The following MOK variants were observed in gnomAD, a reference collection of about 807,000 sequenced individuals.
MOK encodes the protein MOK protein kinase.
Under a neutral mutation model 54.2 loss-of-function variants are expected in MOK, and 59 were observed. The ratio of observed to expected loss-of-function variants is 1.09; its 90% CI spans 0.88 to 1.35. The LOEUF (loss-of-function observed/expected upper bound fraction) is 1.35, where lower values mean the gene tolerates loss of function less well. MOK is among the 40% of genes most tolerant of loss of function. The probability of loss-of-function intolerance (pLI) is 0.00; values close to 1 mark genes in which losing one functional copy is unlikely to be tolerated. For missense variants in MOK, 517 were observed against 526.2 expected, an observed-to-expected ratio of 0.98 and a Z score of 0.17; for synonymous variants, 210 against 202.7, an observed-to-expected ratio of 1.04 and a Z score of -0.31.
At chr14:102,300,822 C>G (rs550838206) in intron 1 of MOK, among the ~76,000 whole-genome samples, 26 of 152,136 alleles carry the variant, frequency 1.7e-4, no homozygotes, top group Non-Finnish European at 3.4e-4. Context: ...GTGGGCTGGG[C>G]ACACTGGCTC....
intron 2 of MOK, among the ~76,000 whole-genome samples, chr14:102,274,064 T>C (rs968828569): frequency 6.6e-6 from 1 of 151,350 alleles, no homozygotes; most frequent in Admixed American, 6.6e-5. Context: ...TTCACTCCAT[T>C]CTCCTGCCTC....
At chr14:102,222,953 C>A, downstream of MOK, 1 of 1,589,114 alleles carries the variant, frequency 6.3e-7, no homozygotes, top group Admixed American at 1.7e-5. The surrounding 1 kb of genome is among the most constrained non-coding windows in gnomAD (Gnocchi z 4.4). Context: ...GAGCTCCGAG[C>A]TGCGCCTGAG....
At chr14:102,224,329 T>G (rs1025998564), downstream of MOK, among the ~76,000 whole-genome samples, 3 of 152,038 alleles carry the variant, frequency 2.0e-5, no homozygotes, top group Admixed American at 1.3e-4. Context: ...CGTGAGCCAC[T>G]GCGCCCGGCC....
At chr14:102,255,906 CAT>C (rs1351117625) in intron 4 of MOK, among the ~76,000 whole-genome samples, 4 of 152,168 alleles carry the variant, frequency 2.6e-5, no homozygotes, top group Admixed American at 2.0e-4. Flanking sequence ...GAAGGAATGT[CAT>C]ATATGATACT....
rs763765191 is a variant in MOK at position 102,233,700 on chromosome 14, G to A, written c.680C>T (p.Thr227Ile). 5 of 1,613,020 alleles carry A rather than the reference G, an allele frequency of 3.1e-6. No individual in the cohort carries two copies. The South Asian group carries it at 3.3e-5, about 11-fold the overall frequency. ...ACACAATACTTACTGTTTGAACTTG[G>A]TGAGGATCTTCTGAGCGGGTGTGCC... ...VIGTPAQKILTKFKQSRAMNF... is the reference protein window; with the variant it reads ...VIGTPAQKILIKFKQSRAMNF... Residue 227 changes from threonine to isoleucine, a missense_variant, in exon 8 of 12, where the codon ACC (threonine) becomes ATC (isoleucine). By Grantham distance (89) the Thr-to-Ile change is moderately conservative (BLOSUM62 -1). Coordinates refer to ENST00000361847, the MANE Select transcript of MOK (RefSeq NM_014226.3).
rs2066324280 is a variant in MOK, at chr14:102,249,029, G to C, written c.590+1783C>G. Among the ~76,000 whole-genome samples the C allele has an allele frequency of 6.6e-6, 1 of 151,920 alleles. No individual in the cohort carries two copies. The highest frequency in any genetic ancestry group is 1.5e-5 in the Non-Finnish European group (1 of 67,996). ...CAGACTCGCTCACACGGAACGCGAG[G>C]AACTCAGCCTGGCGTGTGCAGCGAC... On this transcript the variant is annotated intron_variant, in intron 7 of 11. Transcript: ENST00000361847. The surrounding 1 kb of genome is among the most constrained non-coding windows in gnomAD (Gnocchi z 5.3).
chr14:102,232,384 C>A lies in MOK; in HGVS notation c.866+151G>T. The A allele has an allele frequency of 1.2e-6, 1 of 844,964 alleles. No individual in the cohort carries two copies. The highest frequency in any genetic ancestry group is 2.4e-5 in the South Asian group (1 of 41,550). 52.3% of individuals were successfully genotyped at this position (844,964 alleles called of 1,614,324 possible). On this transcript the variant is annotated intron_variant, in intron 9 of 11. Transcript: ENST00000361847. This position sits in a 1 kb window ranked among gnomAD's most constrained non-coding sequence, Gnocchi z 5.1. Reference sequence around the variant, plus strand: ...CACCAGAAGGCAGCACGGTGTGGGCCCCAAGAGGCCCTGACCACTCTTCAG... The same window carrying A: ...CACCAGAAGGCAGCACGGTGTGGGCACCAAGAGGCCCTGACCACTCTTCAG...
At chr14:102,271,456 TA>T in intron 2 of MOK, among the ~76,000 whole-genome samples, 1 of 152,242 alleles carries the variant, frequency 6.6e-6, no homozygotes, top group African/African-American at 2.4e-5. Context: ...TTCAAACATT[TA>T]AAAAAGAAAT....
At position 102,258,922 on chromosome 14, in the gene MOK, C is replaced by T. The variant is rs567409119; in HGVS notation, c.283+4624G>A. Reference sequence around the variant, plus strand: ...TCTACTAAAAGGACAAAAAATTAGCCGGACGTGGTGGTGGGCACCTGTAAT... The same window carrying T: ...TCTACTAAAAGGACAAAAAATTAGCTGGACGTGGTGGTGGGCACCTGTAAT... On this transcript the variant is annotated intron_variant, in intron 4 of 11. Transcript: ENST00000361847. Among the ~76,000 whole-genome samples, 29 of 152,114 alleles carry T rather than the reference C, an allele frequency of 1.9e-4. No homozygotes were observed. The South Asian group carries it at 4.8e-3, about 25-fold the overall frequency.
At chr14:102,219,563 C>T (rs2063644525), downstream of MOK, among the ~76,000 whole-genome samples, 1 of 152,254 alleles carries the variant, frequency 6.6e-6, no homozygotes, top group Non-Finnish European at 1.5e-5. Context: ...CTTCGCTTCG[C>T]CTTCCGGTTA....
intron 1 of MOK, among the ~76,000 whole-genome samples, chr14:102,299,514 A>C (rs74925980): frequency 1.6e-5 from 2 of 125,704 alleles, no homozygotes; most frequent in South Asian, 2.4e-4. Context: ...GACTACCTAC[A>C]AAAAAAAAAA....
At chr14:102,261,853 A>AT (rs1567188847) in intron 4 of MOK, among the ~76,000 whole-genome samples, 2 of 135,758 alleles carry the variant, frequency 1.5e-5, no homozygotes, top group African/African-American at 5.6e-5. Flanking sequence ...ATTTTTTATT[A>AT]TTTTTTTTGA....
chr14:102,288,477 G>A (rs1324653840), intron 1 of MOK, among the ~76,000 whole-genome samples: 1 of 152,218 alleles, frequency 6.6e-6, no homozygotes. Flanking sequence ...GAAATGTCCA[G>A]AATAAGCAAA....
chr14:102,252,897 G>A (rs1222575326), intron 4 of MOK, among the ~76,000 whole-genome samples: 1 of 152,198 alleles, frequency 6.6e-6, no homozygotes, highest in African/African-American at 2.4e-5. Context: ...CATAGGAGAG[G>A]TTAAAATAGA....
chr14:102,260,904 G>A (rs1398895650), intron 4 of MOK, among the ~76,000 whole-genome samples: 4 of 151,912 alleles, frequency 2.6e-5, no homozygotes, highest in Non-Finnish European at 4.4e-5. Context: ...GGCGGATCAC[G>A]AGGTCAAGGA....
At chr14:102,269,108 T>C (rs977152669) in intron 2 of MOK, among the ~76,000 whole-genome samples, 21 of 152,068 alleles carry the variant, frequency 1.4e-4, no homozygotes, top group African/African-American at 5.1e-4. Context: ...TACTACTACT[T>C]ATGATTTCAT....
intron 4 of MOK, among the ~76,000 whole-genome samples, chr14:102,262,311 A>G (rs143562311): frequency 6.6e-6 from 1 of 152,186 alleles, no homozygotes; most frequent in African/African-American, 2.4e-5. Context: ...ATGCCCGGCT[A>G]ATTTTTTTGT....
chr14:102,267,173 C>A lies in MOK; in HGVS notation c.123-1261G>T, dbSNP rs532093336. Reference sequence around the variant, plus strand: ...ATTGTGGGACTATTTTTTCAACTGGCAAATTCTGTTCTATAAACTTTTAAC... The same window carrying A: ...ATTGTGGGACTATTTTTTCAACTGGAAAATTCTGTTCTATAAACTTTTAAC... On this transcript the variant is annotated intron_variant, in intron 2 of 11. Coordinates refer to ENST00000361847, the MANE Select transcript of MOK (RefSeq NM_014226.3). 7.9e-5 allele frequency among the ~76,000 whole-genome samples: 12 copies of A among 152,310 alleles called. No homozygotes were observed. In the South Asian group the frequency reaches 2.5e-3, roughly 32 times the overall value.
intron 1 of MOK, among the ~76,000 whole-genome samples, chr14:102,288,618 T>C (rs2070402271): frequency 6.6e-6 from 1 of 152,214 alleles, no homozygotes; most frequent in Non-Finnish European, 1.5e-5. Context: ...TAACATTAGA[T>C]TATAGTTATA....
Sources: allele counts gnomAD v4.1 joint callset (sites outside exome capture counted in the v4.1 genomes callset), GRCh38; gene constraint gnomAD v4.1.1; non-coding constraint Gnocchi (gnomAD v3.1); transcripts MANE v1.5; gene names NCBI Gene and HGNC (gene_info 2026-07-23, HGNC 2026-07-21).